CDH12: variants seen among roughly 807,000 people sequenced by gnomAD.
The protein encoded by CDH12 is cadherin-12.
Under a neutral mutation model 74.1 loss-of-function variants are expected in CDH12, and 41 were observed. That is an observed-to-expected ratio of 0.55 (90% CI 0.43 to 0.72). The LOEUF is 0.72. CDH12 is among the 30% of genes least tolerant of loss of function. The pLI is 0.00. For missense variants in CDH12, 945 were observed against 977.2 expected, an observed-to-expected ratio of 0.97 and a Z score of 0.44; for synonymous variants, 399 against 355.0, an observed-to-expected ratio of 1.12 and a Z score of -1.39.
intron 6 of CDH12, among the ~76,000 whole-genome samples, chr5:21,950,757 T>TTTATTATTA (rs71609723): frequency 0.065 from 8,907 of 136,870 alleles, 377 homozygotes; most frequent in East Asian, 0.15. Context: ...TAAATTTTAT[T>TTTATTATTA]TTATTATTAT....
At chr5:22,692,283 C>A (rs920017372) in intron 1 of CDH12, among the ~76,000 whole-genome samples, 2 of 152,156 alleles carry the variant, frequency 1.3e-5, no homozygotes, top group African/African-American at 4.8e-5. Flanking sequence ...GGCTACAGAG[C>A]TATGAGCCAA....
chr5:22,288,286 CT>C (rs1167987127), intron 3 of CDH12, among the ~76,000 whole-genome samples: 1 of 152,090 alleles, frequency 6.6e-6, no homozygotes, highest in African/African-American at 2.4e-5. Flanking sequence ...CAAAAGCTAT[CT>C]GGGGTAAATA....
At chr5:22,713,761 G>A (rs1030711632) in intron 1 of CDH12, among the ~76,000 whole-genome samples, 7 of 152,026 alleles carry the variant, frequency 4.6e-5, no homozygotes, top group African/African-American at 1.7e-4. Flanking sequence ...TTTTATTTCA[G>A]TGCTTAGTCT....
At chr5:21,809,604 T>G (rs1747635610) in intron 9 of CDH12, among the ~76,000 whole-genome samples, 1 of 152,186 alleles carries the variant, frequency 6.6e-6, no homozygotes, top group African/African-American at 2.4e-5. Flanking sequence ...AAACATATTT[T>G]TCTAAATTAT....
intron 1 of CDH12, among the ~76,000 whole-genome samples, chr5:22,710,396 A>G (rs1341396008): frequency 6.6e-6 from 1 of 152,206 alleles, no homozygotes; most frequent in African/African-American, 2.4e-5. Flanking sequence ...TTCAGATTAT[A>G]AAACAGAAAA....
chr5:22,727,493 C>T (rs1191110735), intron 1 of CDH12, among the ~76,000 whole-genome samples: 2 of 151,586 alleles, frequency 1.3e-5, no homozygotes, highest in Non-Finnish European at 3.0e-5. Context: ...TACTATTTCA[C>T]TATTTATATA....
intron 3 of CDH12, among the ~76,000 whole-genome samples, chr5:22,390,112 T>C (rs1387942089): frequency 6.6e-6 from 1 of 152,030 alleles, no homozygotes; most frequent in African/African-American, 2.4e-5. Context: ...CATCTAGGTA[T>C]TTTCTACATG....
At chr5:22,686,651 G>C (rs888946980) in intron 1 of CDH12, among the ~76,000 whole-genome samples, 2 of 152,108 alleles carry the variant, frequency 1.3e-5, no homozygotes, top group Admixed American at 1.3e-4. Context: ...CCATGTAATT[G>C]CCTCTTCTAA....
chr5:21,894,536 T>G (rs1266522167), intron 6 of CDH12, among the ~76,000 whole-genome samples: 1 of 152,144 alleles, frequency 6.6e-6, no homozygotes, highest in Non-Finnish European at 1.5e-5. Flanking sequence ...TAAAGTATAA[T>G]GTGTACTTAA....
intron 1 of CDH12, among the ~76,000 whole-genome samples, chr5:22,767,260 A>G (rs1368009804): frequency 2.0e-5 from 3 of 152,016 alleles, no homozygotes; most frequent in African/African-American, 7.2e-5. Context: ...CTTTAGATCT[A>G]TAAATGTTTA....
At chr5:22,033,411 G>T (rs543288883) in intron 5 of CDH12, among the ~76,000 whole-genome samples, 2 of 152,208 alleles carry the variant, frequency 1.3e-5, no homozygotes, top group Non-Finnish European at 2.9e-5. Flanking sequence ...ACTTAAAATC[G>T]TTATCCAAAA....
intron 2 of CDH12, among the ~76,000 whole-genome samples, chr5:22,493,120 T>G (rs571390274): frequency 6.6e-6 from 1 of 152,206 alleles, no homozygotes; most frequent in African/African-American, 2.4e-5. Context: ...TCTCACATGA[T>G]CTCATCGTGG....
At chr5:22,537,133 A>C (rs1191172311) in intron 1 of CDH12, among the ~76,000 whole-genome samples, 1 of 152,180 alleles carries the variant, frequency 6.6e-6, no homozygotes, top group African/African-American at 2.4e-5. Flanking sequence ...AGCAGGCTGA[A>C]ACTTTTAGTA....
chr5:21,855,703 A>G (rs1220443044), intron 6 of CDH12, among the ~76,000 whole-genome samples: 2 of 151,622 alleles, frequency 1.3e-5, no homozygotes, highest in Non-Finnish European at 3.0e-5. Flanking sequence ...TGCAGTGAGC[A>G]GAACTCCCTT....
chr5:22,583,795 A>C (rs1740228597), intron 1 of CDH12, among the ~76,000 whole-genome samples: 1 of 152,196 alleles, frequency 6.6e-6, no homozygotes, highest in Admixed American at 6.5e-5. Flanking sequence ...TCTTAAAATG[A>C]AATCAATAAA....
chr5:22,162,060 A>G (rs1580343394), intron 4 of CDH12, among the ~76,000 whole-genome samples: 2 of 150,432 alleles, frequency 1.3e-5, no homozygotes, highest in Non-Finnish European at 3.0e-5. Flanking sequence ...TTCTCATACT[A>G]GAAGCAGGGC....
chr5:22,075,811 A>G (rs533186245), intron 5 of CDH12, among the ~76,000 whole-genome samples: 1 of 152,130 alleles, frequency 6.6e-6, no homozygotes, highest in African/African-American at 2.4e-5. Context: ...TAGACAACTG[A>G]TACTTTTCCT....
chr5:22,418,189 T>C (rs1743481979), intron 2 of CDH12, among the ~76,000 whole-genome samples: 1 of 152,158 alleles, frequency 6.6e-6, no homozygotes. Context: ...TTCCTAGGTA[T>C]TTTAGTCTCT....
chr5:22,646,363 T>G (rs1739431862), intron 1 of CDH12, among the ~76,000 whole-genome samples: 1 of 151,780 alleles, frequency 6.6e-6, no homozygotes, highest in Non-Finnish European at 1.5e-5. Context: ...AATTAAATGG[T>G]GGATCAGCAC....
Sources: gnomAD v4.1 joint callset for allele counts (sites outside exome capture counted in the v4.1 genomes callset) on GRCh38, gnomAD v4.1.1 for gene constraint, MANE v1.5 for transcripts, NCBI Gene and HGNC (gene_info 2026-07-23, HGNC 2026-07-21) for gene names.